SGCZ: variants seen among roughly 807,000 people sequenced by gnomAD.
SGCZ encodes the protein zeta-sarcoglycan.
A neutral mutation model predicts 41.3 loss-of-function variants in SGCZ; 40 were observed. That is an observed-to-expected ratio of 0.97 (90% confidence interval 0.75 to 1.26). The LOEUF is 1.26. Among genes scored for constraint, SGCZ ranks in the 50% most tolerant of loss-of-function variants. The pLI is 0.00. For synonymous variants in SGCZ, 206 were observed against 137.5 expected, an observed-to-expected ratio of 1.50 and a Z score of -3.49; for missense variants, 552 against 369.8, an observed-to-expected ratio of 1.49 and a Z score of -4.04.
intron 1 of SGCZ, among the ~76,000 whole-genome samples, chr8:14,813,255 G>A (rs2130543663): frequency 1.3e-5 from 2 of 151,984 alleles, no homozygotes; most frequent in South Asian, 4.2e-4. Context: ...CAATATACAG[G>A]AATACATGTA....
intron 1 of SGCZ, among the ~76,000 whole-genome samples, chr8:14,749,695 A>G (rs925473380): frequency 2.6e-5 from 4 of 152,132 alleles, no homozygotes; most frequent in Non-Finnish European, 4.4e-5. Flanking sequence ...AAATATACAC[A>G]TACAAAATAA....
At chr8:15,236,106 T>C (rs1285615569) in intron 1 of SGCZ, among the ~76,000 whole-genome samples, 1 of 152,190 alleles carries the variant, frequency 6.6e-6, no homozygotes, top group Non-Finnish European at 1.5e-5. Flanking sequence ...GCCTCCTCCC[T>C]ACTTCCCTTT....
At chr8:14,802,534 C>A (rs1231896150) in intron 1 of SGCZ, among the ~76,000 whole-genome samples, 10 of 152,088 alleles carry the variant, frequency 6.6e-5, no homozygotes, top group Admixed American at 6.6e-4. Flanking sequence ...TAATTAAAAT[C>A]AGTAATGATC....
chr8:14,102,105 A>AT (rs11294521), intron 7 of SGCZ, among the ~76,000 whole-genome samples: 3 of 43,840 alleles, frequency 6.8e-5, no homozygotes, highest in African/African-American at 3.1e-4. Flanking sequence ...TATATATATA[A>AT]TTTTTTTTTT....
At chr8:15,010,173 G>C (rs960043135) in intron 1 of SGCZ, among the ~76,000 whole-genome samples, 4 of 152,082 alleles carry the variant, frequency 2.6e-5, no homozygotes, top group African/African-American at 7.2e-5. Flanking sequence ...GTCTACATGA[G>C]AGAACACAAA....
intron 1 of SGCZ, among the ~76,000 whole-genome samples, chr8:14,940,690 AG>A (rs1327035725): frequency 2.3e-4 from 4 of 17,238 alleles, no homozygotes; most frequent in African/African-American, 5.9e-4. Flanking sequence ...GGCACCAAAA[AG>A]GTAAAGGAAA....
chr8:14,876,044 G>C (rs1203763587), intron 1 of SGCZ, among the ~76,000 whole-genome samples: 7 of 152,126 alleles, frequency 4.6e-5, no homozygotes, highest in African/African-American at 1.7e-4. Context: ...TGAAAATATA[G>C]TCTATGCAAC....
chr8:14,978,511 A>T lies in SGCZ; in HGVS notation c.39+259074T>A, dbSNP rs112258286. Among the ~76,000 whole-genome samples the T allele has an allele frequency of 3.5e-3, 463 of 130,656 alleles. 6 individuals are homozygous for T. Among genetic ancestry groups the T allele is most frequent in the African/African-American group, 0.013 (432 of 34,206 alleles). 85.7% of individuals were successfully genotyped at this position (130,656 alleles called of 152,430 possible). On this transcript the variant is annotated intron_variant, in intron 1 of 7. Transcript: ENST00000382080. Reference sequence around the variant, plus strand: ...AAAAAAAAAAAAAAAAAAAAATTGTATCTGCTTGCATTTGGTGTATTTCAC... The same window carrying T: ...AAAAAAAAAAAAAAAAAAAAATTGTTTCTGCTTGCATTTGGTGTATTTCAC...
At chr8:14,327,186 A>C (rs533468440) in intron 2 of SGCZ, among the ~76,000 whole-genome samples, 1 of 152,204 alleles carries the variant, frequency 6.6e-6, no homozygotes, top group Non-Finnish European at 1.5e-5. Context: ...TTATCACCAG[A>C]AAGAGTAATT....
At chr8:14,259,248 G>A (rs955167715) in intron 3 of SGCZ, among the ~76,000 whole-genome samples, 2 of 152,156 alleles carry the variant, frequency 1.3e-5, no homozygotes, top group Non-Finnish European at 2.9e-5. Context: ...CCACAAAAAT[G>A]TATAAAAGGC....
At chr8:14,389,683 T>C (rs1048719971) in intron 2 of SGCZ, among the ~76,000 whole-genome samples, 2 of 151,776 alleles carry the variant, frequency 1.3e-5, no homozygotes, top group African/African-American at 4.8e-5. Flanking sequence ...AGAAGAAAAA[T>C]ATGCCCAAGA....
intron 4 of SGCZ, among the ~76,000 whole-genome samples, chr8:14,202,234 A>G (rs951134645): frequency 1.3e-5 from 2 of 152,212 alleles, no homozygotes; most frequent in African/African-American, 2.4e-5. Context: ...TGAAGATGAA[A>G]GACAGTCACG....
chr8:15,096,341 A>G (rs1320965215), intron 1 of SGCZ, among the ~76,000 whole-genome samples: 2 of 151,812 alleles, frequency 1.3e-5, no homozygotes, highest in African/African-American at 4.8e-5. Context: ...ACCTGCCTCC[A>G]TCTCCCAAAG....
At chr8:14,434,199 T>C (rs1043023740) in intron 2 of SGCZ, among the ~76,000 whole-genome samples, 10 of 152,222 alleles carry the variant, frequency 6.6e-5, no homozygotes, top group African/African-American at 2.2e-4. Flanking sequence ...TTGCCAATGA[T>C]CCCAGCACCA....
intron 2 of SGCZ, among the ~76,000 whole-genome samples, chr8:14,489,758 A>G (rs956835295): frequency 2.6e-5 from 4 of 152,078 alleles, no homozygotes; most frequent in African/African-American, 9.7e-5. Flanking sequence ...TTAGGAATCT[A>G]ACTTTCCTAG....
intron 4 of SGCZ, among the ~76,000 whole-genome samples, chr8:14,217,938 G>T (rs943608451): frequency 2.0e-5 from 3 of 151,940 alleles, no homozygotes; most frequent in African/African-American, 7.3e-5. Context: ...GCCAACTAAA[G>T]ATTTTTTTAA....
At chr8:15,153,647 G>A (rs147139697) in intron 1 of SGCZ, among the ~76,000 whole-genome samples, 19 of 152,096 alleles carry the variant, frequency 1.2e-4, no homozygotes, top group African/African-American at 4.6e-4. Context: ...CATTTAAAAG[G>A]CTATGGCACT....
rs574427809 is a variant in SGCZ at position 15,107,050 on chromosome 8, G to A, written c.39+130535C>T. ...ATCTAAATCTGCATTCCTTACATGA[G>A]CCCCTCTTCATTATATAATCAGGGT... On this transcript the variant is annotated intron_variant, in intron 1 of 7. Transcript: ENST00000382080. Among the ~76,000 whole-genome samples the A allele has an allele frequency of 5.3e-4, 80 of 152,154 alleles. 1 individual carries two copies. The South Asian group carries it at 0.016, about 30-fold the overall frequency.
intron 2 of SGCZ, among the ~76,000 whole-genome samples, chr8:14,502,519 C>A (rs184481834): frequency 4.7e-4 from 71 of 151,980 alleles, no homozygotes; most frequent in Admixed American, 9.2e-4. Flanking sequence ...TTAAAGTATA[C>A]TGCTAATAAT....
Sources: allele counts gnomAD v4.1 joint callset (sites outside exome capture counted in the v4.1 genomes callset), GRCh38; gene constraint gnomAD v4.1.1; transcripts MANE v1.5; gene names NCBI Gene and HGNC (gene_info 2026-07-23, HGNC 2026-07-21).